Variants in SLAMF1 observed in about 807,000 individuals in gnomAD.
SLAMF1 encodes the protein signaling lymphocytic activation molecule family member 1.
Under a neutral mutation model 35.1 loss-of-function variants are expected in SLAMF1, and 18 were observed. The ratio of observed to expected loss-of-function variants is 0.51; its 90% CI spans 0.35 to 0.76. The LOEUF (loss-of-function observed/expected upper bound fraction) is 0.76, where lower values mean the gene tolerates loss of function less well. Among genes scored for constraint, SLAMF1 ranks in the 30% least tolerant of loss-of-function variants. The pLI is 0.01. For synonymous variants in SLAMF1, 168 were observed against 157.2 expected, an observed-to-expected ratio of 1.07 and a Z score of -0.51; for missense variants, 392 against 413.0, an observed-to-expected ratio of 0.95 and a Z score of 0.44.
rs869064747 is a variant in SLAMF1, at chr1:160,643,047, CCA to C, written c.76+3821_76+3822del. ...AGTAAATAGTAAATGCTTTGGCCCC[CCA>C]CTTCCCCCTAGGATGATGTGATAAG... On this transcript the variant is annotated intron_variant, in intron 1 of 6. Transcript: ENST00000302035. Among the ~76,000 whole-genome samples the C allele has an allele frequency of 1.2e-3, 25 of 21,236 alleles. No individual in the cohort carries two copies. In the Non-Finnish European group the frequency reaches 0.038, roughly 32 times the overall value. 13.9% of individuals were successfully genotyped at this position (21,236 alleles called of 152,430 possible).
intron 6 of SLAMF1, among the ~76,000 whole-genome samples, chr1:160,611,739 A>G (rs986114366): frequency 6.6e-6 from 1 of 152,200 alleles, no homozygotes; most frequent in African/African-American, 2.4e-5. Context: ...TGCACCCCAT[A>G]TTCTCTTCTA....
chr1:160,613,002 T>G (rs1433129299), intron 5 of SLAMF1, among the ~76,000 whole-genome samples: 1 of 152,160 alleles, frequency 6.6e-6, no homozygotes, highest in African/African-American at 2.4e-5. Context: ...CTCTTCCTCC[T>G]CCTCACATAT....
Position 160,617,524 on chromosome 1 carries a change from CAT to C in SLAMF1, c.864+2250_864+2251del, listed in dbSNP as rs371003958. ...AATGCATTATATCTAAATTCAAAGA[CAT>C]ATATGAATCTCATAAAGATAATACT... On this transcript the variant is annotated intron_variant, in intron 5 of 6. Coordinates refer to ENST00000302035, the MANE Select transcript of SLAMF1 (RefSeq NM_003037.5). Among the ~76,000 whole-genome samples, 36 of 151,964 alleles carry C rather than the reference CAT, an allele frequency of 2.4e-4. No individual in the cohort carries two copies. The East Asian group carries it at 4.4e-3, about 19-fold the overall frequency.
At chr1:160,624,039 G>T (rs2102300311) in intron 4 of SLAMF1, 57 bp downstream of exon 4, 1 of 1,242,338 alleles carries the variant, frequency 8.0e-7, no homozygotes, top group Non-Finnish European at 1.2e-6. Flanking sequence ...TGTGGAGAGA[G>T]GTCCCCTGCT....
intron 3 of SLAMF1, among the ~76,000 whole-genome samples, chr1:160,627,576 A>G (rs1405456153): frequency 6.6e-6 from 1 of 152,078 alleles, no homozygotes; most frequent in Admixed American, 6.5e-5. Context: ...GTGCTCATCC[A>G]TTTGTTGCTA....
At chr1:160,616,354 G>A (rs939980611) in intron 5 of SLAMF1, among the ~76,000 whole-genome samples, 2 of 147,862 alleles carry the variant, frequency 1.4e-5, no homozygotes, top group African/African-American at 5.0e-5. Flanking sequence ...TCACAAGAAT[G>A]CTATATACCA....
At chr1:160,634,424 A>T in intron 3 of SLAMF1, 189 bp downstream of exon 3, 6 of 983,502 alleles carry the variant, frequency 6.1e-6, no homozygotes, top group Non-Finnish European at 7.2e-6. Context: ...TGAACTGAGC[A>T]TAAAAATGCC....
intron 3 of SLAMF1, among the ~76,000 whole-genome samples, chr1:160,629,021 G>T (rs1413101722): frequency 6.6e-6 from 1 of 152,172 alleles, no homozygotes; most frequent in South Asian, 2.1e-4. Context: ...AGAAGCTCCT[G>T]ACTCCTTCAT....
In SLAMF1 at chr1:160,637,311, A is replaced by G; in HGVS notation, c.295T>C (p.Tyr99His). 1.2e-6 allele frequency: 2 copies of G among 1,613,972 alleles called. No individual in the cohort carries two copies. The highest frequency in any genetic ancestry group is 1.7e-6 in the Non-Finnish European group (2 of 1,179,872). ...PRYLGDRYKF[Y>H]LENLTLGIRE... is the part of the protein sequence containing the mutation. Reference sequence around the variant, plus strand: ...ATCCCCAGGGTGAGATTCTCCAGATAAAACTTGTAGCGATCTCCTAGATAA... The same window carrying G: ...ATCCCCAGGGTGAGATTCTCCAGATGAAACTTGTAGCGATCTCCTAGATAA... Residue 99 changes from tyrosine to histidine, a missense_variant, in exon 2 of 7, where the codon TAT (tyrosine) becomes CAT (histidine). By Grantham distance (83) the Tyr-to-His change is moderately conservative. Transcript: ENST00000302035.
At chr1:160,620,953 CTATACTTA>C (rs1659578619) in intron 4 of SLAMF1, among the ~76,000 whole-genome samples, 1 of 152,202 alleles carries the variant, frequency 6.6e-6, no homozygotes, top group Admixed American at 6.5e-5. Flanking sequence ...TGGATATTTG[CTATACTTA>C]TATAGACTTT....
intron 1 of SLAMF1, among the ~76,000 whole-genome samples, chr1:160,644,886 G>A (rs896769191): frequency 6.6e-6 from 1 of 152,136 alleles, no homozygotes; most frequent in African/African-American, 2.4e-5. Flanking sequence ...TGAAGGGGGT[G>A]CAGAGGAACT....
At chr1:160,629,762 CTA>C (rs1026076796) in intron 3 of SLAMF1, among the ~76,000 whole-genome samples, 5 of 152,210 alleles carry the variant, frequency 3.3e-5, no homozygotes, top group African/African-American at 1.2e-4. Flanking sequence ...CAGCTAGGAG[CTA>C]TGTGTCTCAG....
intron 2 of SLAMF1, among the ~76,000 whole-genome samples, chr1:160,636,010 T>C (rs916526343): frequency 3.9e-5 from 6 of 152,222 alleles, no homozygotes; most frequent in Non-Finnish European, 8.8e-5. Context: ...GATCTGAACC[T>C]AGGTCTGTCT....
At chr1:160,627,348 C>T (rs1659936318) in intron 3 of SLAMF1, among the ~76,000 whole-genome samples, 1 of 152,180 alleles carries the variant, frequency 6.6e-6, no homozygotes, top group Admixed American at 6.5e-5. Flanking sequence ...AGGCCAGAGA[C>T]CATCTCTTAC....
At chr1:160,621,853 TGC>T (rs1270438942) in intron 4 of SLAMF1, among the ~76,000 whole-genome samples, 1 of 118,102 alleles carries the variant, frequency 8.5e-6, no homozygotes, top group Non-Finnish European at 1.8e-5. Flanking sequence ...TGTGCGTGAG[TGC>T]GTGTGTGTGT....
At chr1:160,613,238 C>T (rs948804210) in intron 5 of SLAMF1, among the ~76,000 whole-genome samples, 7 of 152,182 alleles carry the variant, frequency 4.6e-5, no homozygotes, top group Admixed American at 1.3e-4. Context: ...CTATCCCTTA[C>T]TTAAATTCCT....
intron 5 of SLAMF1, among the ~76,000 whole-genome samples, chr1:160,617,668 C>T (rs369160503): frequency 2.0e-5 from 3 of 152,174 alleles, no homozygotes; most frequent in East Asian, 3.9e-4. Context: ...TAGTGGTTAT[C>T]TTTGGGGAGG....
At position 160,634,961 on chromosome 1, in the gene SLAMF1, T is replaced by G. The variant is rs548665613; in HGVS notation, c.416-64A>C. On this transcript the variant is annotated intron_variant, in intron 2 of 6. Coordinates refer to ENST00000302035, the MANE Select transcript of SLAMF1 (RefSeq NM_003037.5). The stretch of plus-strand genomic sequence containing the variant: ...AACCCCTGGGAATTCTCACTTGACC[T>G]TTTTGTTAGAACAAAGTACAGCCTA... 97 of 1,440,570 alleles carry G rather than the reference T, an allele frequency of 6.7e-5. No individual in the cohort carries two copies. In the African/African-American group the frequency reaches 8.5e-4, roughly 13 times the overall value. 89.2% of individuals were successfully genotyped at this position (1,440,570 alleles called of 1,614,324 possible).
Position 160,608,461 on chromosome 1 carries a change from A to G in SLAMF1, c.*2287T>C, listed in dbSNP as rs1207338083. The G allele has an allele frequency of 6.6e-6, 1 of 152,252 alleles. No homozygotes were observed. The highest frequency in any genetic ancestry group is 2.4e-5 in the African/African-American group (1 of 41,454). The allele number at this position is 152,252 out of a possible 1,614,324, so 9.4% of individuals were successfully genotyped here. ...CTCCCCATAGTGCCATTTGGGGGAA[A>G]CTAGAGAGTTGTGAATGTATCACCA... On this transcript the variant is annotated 3_prime_UTR_variant, in exon 7 of 7. Coordinates refer to ENST00000302035, the MANE Select transcript of SLAMF1 (RefSeq NM_003037.5).
Sources: gnomAD v4.1 joint callset for allele counts (sites outside exome capture counted in the v4.1 genomes callset) on GRCh38, gnomAD v4.1.1 for gene constraint, MANE v1.5 for transcripts, NCBI Gene and HGNC (gene_info 2026-07-23, HGNC 2026-07-21) for gene names.